The following TNRC6A variants were observed in gnomAD, a reference collection of about 807,000 sequenced individuals.
TNRC6A encodes trinucleotide repeat containing adaptor 6A, also known as trinucleotide repeat-containing gene 6A protein.
TNRC6A carries 44 observed loss-of-function variants against 221.2 expected under a neutral mutation model. The observed-to-expected ratio is 0.20, with a 90% CI of 0.16 to 0.26. The LOEUF is 0.26. TNRC6A is among the 10% of genes least tolerant of loss of function. The pLI is 1.00. For missense variants in TNRC6A, 2,199 were observed against 2,404.4 expected (o/e 0.91, Z 1.79); for synonymous variants, 847 against 838.5 (o/e 1.01, Z -0.18).
intron 20 of TNRC6A, among the ~76,000 whole-genome samples, chr16:24,817,269 T>G (rs2058675882): frequency 6.6e-6 from 1 of 152,214 alleles, no homozygotes; most frequent in Non-Finnish European, 1.5e-5. Context: ...TTTAATAAGT[T>G]AACATAAAGG....
intron 2 of TNRC6A, among the ~76,000 whole-genome samples, chr16:24,684,552 T>A (rs1487345238): frequency 3.9e-5 from 6 of 152,144 alleles, no homozygotes; most frequent in Admixed American, 3.9e-4. Flanking sequence ...ACACCTGTAA[T>A]CCCAGTGCTT....
At chr16:24,639,590 C>A (rs553000125) in intron 1 of TNRC6A, among the ~76,000 whole-genome samples, 10 of 152,290 alleles carry the variant, frequency 6.6e-5, no homozygotes, top group African/African-American at 2.2e-4. Flanking sequence ...TCAATCTTTT[C>A]ATCATTCACT....
At chr16:24,671,196 C>T (rs2055293353) in intron 2 of TNRC6A, 1 of 165,154 alleles carries the variant, frequency 6.1e-6, no homozygotes, top group African/African-American at 2.4e-5. Context: ...CATTTGGGGT[C>T]AGAAAATTGT....
At position 24,738,660 on chromosome 16, in the gene TNRC6A, A is replaced by G. The variant is rs559585073; in HGVS notation, c.53+8360A>G. Among the ~76,000 whole-genome samples, 15 of 152,272 alleles carry G rather than the reference A, an allele frequency of 9.9e-5. No homozygotes were observed. In the Middle Eastern group the frequency reaches 0.01, roughly 104 times the overall value. ...GGCAAATAAATTTCATTGTATGGCT[A>G]TTGCCCATTTTGTTTGTCCGTTCAT... On this transcript the variant is annotated intron_variant, in intron 2 of 24. Coordinates refer to ENST00000395799, the MANE Select transcript of TNRC6A (RefSeq NM_014494.4).
At position 24,682,389 on chromosome 16, in the gene TNRC6A, C is replaced by CTTT. The variant is rs563276976; in HGVS notation, n.402+41395_402+41397dup. ...TACAGGCGTGCACCACCACGCCCAG[C>CTTT]TTTTTTTTTTTTTTTTTCAGTAGAG... On this transcript the variant is annotated intron_variant and non_coding_transcript_variant, in intron 2 of 2. Coordinates refer to the TNRC6A transcript ENST00000566108. Among the ~76,000 whole-genome samples the CTTT allele has an allele frequency of 2.0e-3, 264 of 130,392 alleles. 6 individuals are homozygous for CTTT. Among genetic ancestry groups the CTTT allele is most frequent in the Middle Eastern group, 8.3e-3 (2 of 240 alleles). 85.5% of individuals were successfully genotyped at this position (130,392 alleles called of 152,430 possible). A position where few individuals can be genotyped will look rare whatever the true frequency, so the allele number is the denominator to read the frequency against.
intron 2 of TNRC6A, among the ~76,000 whole-genome samples, chr16:24,668,598 G>A (rs889994945): frequency 6.6e-6 from 1 of 152,026 alleles, no homozygotes; most frequent in Non-Finnish European, 1.5e-5. Flanking sequence ...TTTCCACCTG[G>A]CATTGGCCAC....
At chr16:24,664,262 C>T (rs868338319) in intron 2 of TNRC6A, among the ~76,000 whole-genome samples, 3 of 151,566 alleles carry the variant, frequency 2.0e-5, no homozygotes, top group African/African-American at 4.8e-5. Context: ...ACCTTGGAGA[C>T]GGAGATTGCA....
At chr16:24,729,964 C>T (rs917578855) in intron 1 of TNRC6A, 118 bp downstream of exon 1, 7 of 979,418 alleles carry the variant, frequency 7.1e-6, no homozygotes, top group African/African-American at 1.7e-5. Flanking sequence ...AGACTTCGGG[C>T]CTCGGCGGGA....
chr16:24,682,389 C>CT (rs563276976), intron 2 of TNRC6A, among the ~76,000 whole-genome samples: 13,421 of 130,380 alleles, frequency 0.1, 1,428 homozygotes, highest in East Asian at 0.31. Context: ...CCACGCCCAG[C>CT]TTTTTTTTTT....
At chr16:24,775,844 T>C (rs756327161) in intron 4 of TNRC6A, among the ~76,000 whole-genome samples, 5 of 152,216 alleles carry the variant, frequency 3.3e-5, no homozygotes, top group South Asian at 2.1e-4. Flanking sequence ...ACTTCACTTA[T>C]CTGACAGTGG....
At position 24,784,262 on chromosome 16, in the gene TNRC6A, A is replaced by G. The variant is rs557901665; in HGVS notation, c.590-4970A>G. On this transcript the variant is annotated intron_variant, in intron 5 of 24. Coordinates refer to ENST00000395799, the MANE Select transcript of TNRC6A (RefSeq NM_014494.4). ...GTTGATCCTCCCGCCTCGGCCTCTC[A>G]AGGTGCTGAGATTATAGGAGTGAGC... is the stretch of plus-strand genomic sequence containing the variant. Among the ~76,000 whole-genome samples, 5 of 152,242 alleles carry G rather than the reference A, an allele frequency of 3.3e-5. No individual in the cohort carries two copies. The South Asian group carries it at 1.0e-3, about 32-fold the overall frequency.
At position 24,810,962 on chromosome 16, in the gene TNRC6A, A is replaced by T. The variant is rs72770419; in HGVS notation, c.4672+1481A>T. Reference sequence around the variant, plus strand: ...GCCTGAAACACTTGCATAACTGATCAGCTAGTCAGTCTCCAGCCCTCTCCA... The same window carrying T: ...GCCTGAAACACTTGCATAACTGATCTGCTAGTCAGTCTCCAGCCCTCTCCA... On this transcript the variant is annotated intron_variant, in intron 18 of 24. Coordinates refer to ENST00000395799, the MANE Select transcript of TNRC6A (RefSeq NM_014494.4). Among the ~76,000 whole-genome samples the T allele has an allele frequency of 8.2e-3, 1,246 of 152,222 alleles. 10 individuals are homozygous for T. Among genetic ancestry groups the T allele is most frequent in the Middle Eastern group, 0.041 (12 of 294 alleles).
intron 2 of TNRC6A, among the ~76,000 whole-genome samples, chr16:24,735,486 A>T (rs538625477): frequency 6.6e-6 from 1 of 152,320 alleles, no homozygotes; most frequent in African/African-American, 2.4e-5. Flanking sequence ...TTGGTGCGAA[A>T]GTTAATTGTG....
rs761975967 is a variant in TNRC6A at position 24,815,213 on chromosome 16, G to A, written c.4739G>A (p.Ser1580Asn). The change falls in exon 19 of 25, where the codon AGT (serine) becomes AAT (asparagine). Residue 1580 changes from serine (S) to asparagine (N), a missense_variant. Transcript: ENST00000395799. ...PFVPYDFMNSSTSPASPPGSI... is the reference protein window; with the variant it reads ...PFVPYDFMNSNTSPASPPGSI... ...GTTCCCTATGACTTTATGAACAGCA[G>A]TACTTCACCAGCCAGTCCTCCAGGT... The A allele has an allele frequency of 1.9e-6, 3 of 1,614,206 alleles. No individual in the cohort carries two copies. Among genetic ancestry groups the A allele is most frequent in the Non-Finnish European group, 2.5e-6 (3 of 1,180,038 alleles).
chr16:24,789,926 A>G lies in TNRC6A; in HGVS notation c.1284A>G (p.Glu428=), dbSNP rs2058061318. ...GTWGSLQETC[E]SEVSGTQKVS... is the part of the protein sequence containing the mutation. ...GGGGAAGCCTTCAGGAAACTTGTGA[A>G]TCTGAAGTAAGTGGTACACAGAAGG... The change falls in exon 6 of 25, where the codon GAA becomes GAG. Residue 428 remains glutamate, a synonymous_variant. Coordinates refer to ENST00000395799, the MANE Select transcript of TNRC6A (RefSeq NM_014494.4). The G allele has an allele frequency of 6.2e-7, 1 of 1,613,904 alleles. No homozygotes were observed. The highest frequency in any genetic ancestry group is 8.5e-7 in the Non-Finnish European group (1 of 1,179,940).
intron 1 of TNRC6A, 111 bp downstream of exon 1, chr16:24,729,957 C>T: frequency 3.9e-6 from 4 of 1,023,342 alleles, no homozygotes; most frequent in African/African-American, 1.7e-5. Context: ...GTCCCCGAGA[C>T]TTCGGGCCTC....
chr16:24,795,130 C>T (rs1691717254), intron 8 of TNRC6A, among the ~76,000 whole-genome samples: 1 of 152,198 alleles, frequency 6.6e-6, no homozygotes, highest in Non-Finnish European at 1.5e-5. Flanking sequence ...TCCTTATTCA[C>T]CTGTCATGTT....
intron 1 of TNRC6A, among the ~76,000 whole-genome samples, chr16:24,613,504 ATTTTATTTTATTTTATTTTAT>A (rs1900180767): frequency 3.4e-5 from 2 of 58,166 alleles, no homozygotes; most frequent in Non-Finnish European, 6.6e-5. Context: ...ATTTTATTTT[ATTTTATTTTATTTTATTTTAT>A]TTTATTTACT....
upstream of TNRC6A, among the ~76,000 whole-genome samples, chr16:24,728,943 T>C (rs532798632): frequency 8.8e-4 from 134 of 152,284 alleles, 3 homozygotes; most frequent in South Asian, 1.9e-3. Context: ...TCCTAATACA[T>C]GCCAGTAGCT....
Sources: gnomAD v4.1 joint callset for allele counts (sites outside exome capture counted in the v4.1 genomes callset) on GRCh38, gnomAD v4.1.1 for gene constraint, MANE v1.5 for transcripts, NCBI Gene and HGNC (gene_info 2026-07-23, HGNC 2026-07-21) for gene names.